The following PPP2R2C variants were observed in gnomAD, a reference collection of about 807,000 sequenced individuals.
PPP2R2C encodes protein phosphatase 2 regulatory subunit Bgamma.
Under a neutral mutation model 45.3 loss-of-function variants are expected in PPP2R2C, and 10 were observed. The observed-to-expected ratio is 0.22, with a 90% CI of 0.14 to 0.37. PPP2R2C has a LOEUF of 0.37. Ranked by LOEUF, PPP2R2C falls within the 10% of genes least tolerant of loss-of-function variation. The pLI is 1.00. For missense variants in PPP2R2C, 308 were observed against 619.7 expected (o/e 0.50, Z 5.34); for synonymous variants, 257 against 245.4 (o/e 1.05, Z -0.44).
intron 2 of PPP2R2C, among the ~76,000 whole-genome samples, chr4:6,493,721 A>G (rs992717408): frequency 6.6e-6 from 1 of 152,052 alleles, no homozygotes; most frequent in Non-Finnish European, 1.5e-5. Flanking sequence ...GGAGGGGTGG[A>G]CCTGGCTTCG....
intron 1 of PPP2R2C, among the ~76,000 whole-genome samples, chr4:6,462,728 C>G (rs1427945317): frequency 1.1e-4 from 17 of 152,282 alleles, no homozygotes; most frequent in Admixed American, 1.1e-3. Context: ...GATAACAGCA[C>G]TGGGCTACAA....
At chr4:6,342,426 G>A (rs546738480) in intron 6 of PPP2R2C, among the ~76,000 whole-genome samples, 25 of 152,250 alleles carry the variant, frequency 1.6e-4, no homozygotes, top group African/African-American at 5.5e-4. Context: ...CCCATCATAG[G>A]TGCTGAGTAT....
In PPP2R2C at chr4:6,456,000, G is replaced by A. The variant is rs560709557; in HGVS notation, c.70+16160C>T. ...ATTCCAGAAATCCTGGGGGGGGGGAGCTGCGCCCTATTCCTTCTTCCTGAA... is the reference window on the plus strand; with the variant it reads ...ATTCCAGAAATCCTGGGGGGGGGGAACTGCGCCCTATTCCTTCTTCCTGAA... On this transcript the variant is annotated intron_variant, in intron 1 of 8. Coordinates refer to ENST00000382599, the MANE Select transcript of PPP2R2C (RefSeq NM_020416.4). 3.1e-3 allele frequency among the ~76,000 whole-genome samples: 468 copies of A among 152,174 alleles called. 1 individual carries two copies. Among genetic ancestry groups the A allele is most frequent in the Non-Finnish European group, 4.7e-3 (317 of 68,026 alleles).
In PPP2R2C at chr4:6,368,828, G is replaced by A. The variant is rs557013576; in HGVS notation, c.625+3695C>T. Among the ~76,000 whole-genome samples the A allele has an allele frequency of 6.6e-5, 10 of 152,060 alleles. No homozygotes were observed. Among genetic ancestry groups the A allele is most frequent in the African/African-American group, 2.2e-4 (9 of 41,472 alleles). On this transcript the variant is annotated intron_variant, in intron 5 of 8. Coordinates refer to ENST00000382599, the MANE Select transcript of PPP2R2C (RefSeq NM_020416.4). The surrounding 1 kb of genome is among the most constrained non-coding windows in gnomAD (Gnocchi z 4.2). ...GTCTGCTGGAATCCAATCCACCCAC[G>A]ACACACACCCACGACATACACACCT...
chr4:6,507,046 C>A (rs976606726), intron 2 of PPP2R2C, among the ~76,000 whole-genome samples: 2 of 152,162 alleles, frequency 1.3e-5, no homozygotes, highest in African/African-American at 4.8e-5. Flanking sequence ...TCAAGGATGA[C>A]TCCTAGGTGT....
chr4:6,470,419 G>A (rs1402304363), intron 1 of PPP2R2C, among the ~76,000 whole-genome samples: 2 of 152,218 alleles, frequency 1.3e-5, no homozygotes, highest in Non-Finnish European at 2.9e-5. Flanking sequence ...GGGTGCAGAG[G>A]GAATTAATGT....
chr4:6,542,144 T>G (rs952871992), intron 1 of PPP2R2C, among the ~76,000 whole-genome samples: 7 of 152,200 alleles, frequency 4.6e-5, no homozygotes, highest in African/African-American at 1.7e-4. Context: ...AGCCACCATG[T>G]GAACAAACTG....
chr4:6,405,580 T>C (rs1273339114), intron 1 of PPP2R2C, among the ~76,000 whole-genome samples: 2 of 152,140 alleles, frequency 1.3e-5, no homozygotes, highest in African/African-American at 4.8e-5. Flanking sequence ...TTACTCTTTA[T>C]GGCTTCCTGG....
intron 2 of PPP2R2C, among the ~76,000 whole-genome samples, chr4:6,504,690 G>C (rs570984413): frequency 2.0e-4 from 30 of 152,204 alleles, no homozygotes; most frequent in African/African-American, 7.2e-4. Flanking sequence ...ATACTAAAAA[G>C]CAGATAACAA....
chr4:6,378,780 T>A lies in PPP2R2C; in HGVS notation c.169-208A>T, dbSNP rs902627671. On this transcript the variant is annotated intron_variant, in intron 2 of 8. Coordinates refer to ENST00000382599, the MANE Select transcript of PPP2R2C (RefSeq NM_020416.4). The surrounding 1 kb of genome is among the most constrained non-coding windows in gnomAD (Gnocchi z 5.2). ...CAAGCCCCGCTCCCGTGCGGTCCCA[T>A]GAAACACTCACACCCGAGCCGGCTA... Among the ~76,000 whole-genome samples, 2 of 152,100 alleles carry A rather than the reference T, an allele frequency of 1.3e-5. No homozygotes were observed. The highest frequency in any genetic ancestry group is 2.1e-4 in the South Asian group (1 of 4,822).
intron 5 of PPP2R2C, among the ~76,000 whole-genome samples, chr4:6,370,153 G>A (rs955088353): frequency 1.6e-4 from 25 of 152,202 alleles, no homozygotes; most frequent in Non-Finnish European, 2.6e-4. Flanking sequence ...GGGGCAGGCC[G>A]AGGCCAGGGC....
chr4:6,341,402 C>T (rs1403175742), intron 6 of PPP2R2C, among the ~76,000 whole-genome samples: 2 of 151,128 alleles, frequency 1.3e-5, no homozygotes, highest in African/African-American at 4.9e-5. Flanking sequence ...GTTCTCAAGG[C>T]TTCTGTGATG....
At chr4:6,535,657 C>T (rs889781798) in intron 1 of PPP2R2C, among the ~76,000 whole-genome samples, 3 of 152,230 alleles carry the variant, frequency 2.0e-5, no homozygotes, top group Non-Finnish European at 1.5e-5. Context: ...CCCCATCTCC[C>T]GTCTGTCGTT....
intron 4 of PPP2R2C, among the ~76,000 whole-genome samples, chr4:6,374,102 C>T (rs1389271686): frequency 6.6e-6 from 1 of 152,156 alleles, no homozygotes; most frequent in Non-Finnish European, 1.5e-5. Context: ...GCTAACCTTC[C>T]CTTCCTTCGG....
At chr4:6,402,244 G>A (rs183543028) in intron 1 of PPP2R2C, among the ~76,000 whole-genome samples, 6 of 152,260 alleles carry the variant, frequency 3.9e-5, no homozygotes, top group East Asian at 1.9e-4. Flanking sequence ...GGAAGGCTGC[G>A]CACCCACACC....
chr4:6,380,888 C>T, intron 2 of PPP2R2C, 109 bp downstream of exon 2: 1 of 1,422,340 alleles, frequency 7.0e-7, no homozygotes. Flanking sequence ...CCACCTCTCA[C>T]CGCATCACCC....
chr4:6,494,543 T>A (rs1173483917), intron 2 of PPP2R2C, among the ~76,000 whole-genome samples: 1 of 152,142 alleles, frequency 6.6e-6, no homozygotes. Context: ...ACCACACGGG[T>A]GCCAGATGCC....
chr4:6,461,753 T>C (rs1052873310), intron 1 of PPP2R2C, among the ~76,000 whole-genome samples: 3 of 152,194 alleles, frequency 2.0e-5, no homozygotes, highest in African/African-American at 7.2e-5. Context: ...CATCCAGACT[T>C]CCCAAGAGAA....
At chr4:6,346,018 C>T (rs1711877928) in intron 6 of PPP2R2C, among the ~76,000 whole-genome samples, 1 of 152,164 alleles carries the variant, frequency 6.6e-6, no homozygotes, top group African/African-American at 2.4e-5. Context: ...GCCACGGCCC[C>T]ACCTTCACCC....
Sources: gnomAD v4.1 joint callset for allele counts (sites outside exome capture counted in the v4.1 genomes callset) on GRCh38, gnomAD v4.1.1 for gene constraint, Gnocchi (gnomAD v3.1) non-coding constraint, MANE v1.5 for transcripts, NCBI Gene and HGNC (gene_info 2026-07-23, HGNC 2026-07-21) for gene names.